The following DNAH10 variants were observed in gnomAD, a reference collection of about 807,000 sequenced individuals.
DNAH10 encodes axonemal beta dynein heavy chain 10.
DNAH10 carries 348 observed loss-of-function variants against 506.6 expected under a neutral mutation model. The observed-to-expected ratio is 0.69, with a 90% CI of 0.63 to 0.75. The LOEUF is 0.75. Among genes scored for constraint, DNAH10 ranks in the 30% least tolerant of loss-of-function variants. The pLI, the probability that DNAH10 is intolerant of heterozygous loss-of-function variation, is 0.00. For synonymous variants in DNAH10, 2,059 were observed against 2,198.6 expected, an observed-to-expected ratio of 0.94 and a Z score of 1.78; for missense variants, 5,179 against 5,787.1, an observed-to-expected ratio of 0.89 and a Z score of 3.41.
At position 123,917,762 on chromosome 12, in the gene DNAH10, C is replaced by A. The variant is rs769807480; in HGVS notation, c.11181C>A (p.Asp3727Glu). ...CCACGTCCACGGGGAACATGCTGGA[C>A]AATGTGGACCTGGTGCACACCCTGG... ...ELATSTGNML[D>E]NVDLVHTLEE... The change falls in exon 64 of 79, where the codon GAC becomes GAA. Residue 3727 changes from aspartate (D) to glutamate (E), a missense_variant. Physicochemically the swap from Asp to Glu is conservative, Grantham distance 45. This residue lies in a region of DNAH10 where 4,844 missense variants were observed against 5,430.5 expected (regional missense o/e 0.89). Transcript: ENST00000673944. This position sits in a 1 kb window ranked among gnomAD's most constrained non-coding sequence, Gnocchi z 5.6. The A allele has an allele frequency of 6.3e-7, 1 of 1,576,644 alleles. No individual in the cohort carries two copies. Among genetic ancestry groups the A allele is most frequent in the Non-Finnish European group, 8.6e-7 (1 of 1,161,508 alleles).
chr12:123,877,996 G>A, intron 48 of DNAH10, 88 bp downstream of exon 48: 1 of 1,452,844 alleles, frequency 6.9e-7, no homozygotes, highest in Non-Finnish European at 9.3e-7. Context: ...CAGTGGATTT[G>A]ATGAATCGTT....
chr12:123,930,336 C>T (rs1026185618), intron 72 of DNAH10, 66 bp from the exon 73 acceptor site: 225 of 1,410,668 alleles, frequency 1.6e-4, no homozygotes, highest in African/African-American at 1.3e-3. Context: ...CCTCTGGCCC[C>T]GGGCCCCCAG....
In DNAH10 at chr12:123,928,725, C is replaced by A; in HGVS notation, c.12306+138C>A. 1 of 970,706 alleles carries A rather than the reference C, an allele frequency of 1.0e-6. No individual in the cohort carries two copies. Among genetic ancestry groups the A allele is most frequent in the Non-Finnish European group, 1.5e-6 (1 of 672,054 alleles). The allele number at this position is 970,706 out of a possible 1,614,324, so 60.1% of individuals were successfully genotyped here. The stretch of plus-strand genomic sequence containing the variant: ...CAGGTGAAACCTTGCGGTTGAAACC[C>A]TTCTCAATCCCACCTCTCTCTTTAG... On this transcript the variant is annotated intron_variant, in intron 70 of 78. Coordinates refer to ENST00000673944, the MANE Select transcript of DNAH10 (RefSeq NM_001372106.1). The surrounding 1 kb of genome is among the most constrained non-coding windows in gnomAD (Gnocchi z 4.9).
intron 51 of DNAH10, among the ~76,000 whole-genome samples, chr12:123,884,626 C>T (rs1594284313): frequency 1.3e-5 from 2 of 152,308 alleles, no homozygotes; most frequent in East Asian, 3.9e-4. Flanking sequence ...ACCCTCATCA[C>T]CTAATCACCT....
At chr12:123,808,657 C>A in intron 18 of DNAH10, 140 bp from the exon 19 acceptor site, 1 of 794,182 alleles carries the variant, frequency 1.3e-6, no homozygotes, top group Non-Finnish European at 2.0e-6. Flanking sequence ...TAAGACTCAC[C>A]CCAGCCTGTC....
intron 2 of DNAH10, among the ~76,000 whole-genome samples, chr12:123,771,281 T>C (rs1225889350): frequency 2.0e-5 from 3 of 152,204 alleles, no homozygotes; most frequent in African/African-American, 4.8e-5. Flanking sequence ...GTAATTCTTG[T>C]CTTTATGATA....
rs758179532 is a variant in DNAH10 at position 123,762,596 on chromosome 12, C to A, written c.214+46C>A. 2 of 1,510,318 alleles carry A rather than the reference C, an allele frequency of 1.3e-6. No individual in the cohort carries two copies. The highest frequency in any genetic ancestry group is 1.8e-6 in the Non-Finnish European group (2 of 1,128,572). The allele number at this position is 1,510,318 out of a possible 1,614,324, so 93.6% of individuals were successfully genotyped here. Reference sequence around the variant, plus strand: ...CCCTTCCCCGGGCTTCCCTCCTGCCCGTCCCGGCCTCTCCGGCGGGCGCCG... The same window carrying A: ...CCCTTCCCCGGGCTTCCCTCCTGCCAGTCCCGGCCTCTCCGGCGGGCGCCG... On this transcript the variant is annotated intron_variant, in intron 1 of 78. Transcript: ENST00000673944. This position sits in a 1 kb window ranked among gnomAD's most constrained non-coding sequence, Gnocchi z 5.0.
chr12:123,924,501 G>A (rs1294017196), intron 67 of DNAH10, 69 bp downstream of exon 67: 11 of 1,568,906 alleles, frequency 7.0e-6, no homozygotes, highest in South Asian at 3.5e-5. Context: ...CTCAACTGTG[G>A]CCCAACCCCT....
At chr12:123,819,877 G>A (rs996038896) in intron 23 of DNAH10, among the ~76,000 whole-genome samples, 4 of 151,572 alleles carry the variant, frequency 2.6e-5, no homozygotes, top group Non-Finnish European at 4.4e-5. Context: ...GCTAATTTTT[G>A]TATTTTTAGT....
intron 19 of DNAH10, among the ~76,000 whole-genome samples, 159 bp from the exon 20 acceptor site, chr12:123,813,005 G>A (rs1039305613): frequency 1.3e-5 from 2 of 152,072 alleles, no homozygotes; most frequent in Non-Finnish European, 2.9e-5. Context: ...CTTGATGAGA[G>A]GAACAAAGGA....
At chr12:123,800,096 C>A (rs753671414) in intron 14 of DNAH10, 120 bp from the exon 15 acceptor site, 8 of 879,434 alleles carry the variant, frequency 9.1e-6, no homozygotes, top group Non-Finnish European at 1.3e-5. Flanking sequence ...CCAGCCAGCA[C>A]CCCCGTCTGG....
In DNAH10 at chr12:123,780,418, G is replaced by A. The variant is rs1365256148; in HGVS notation, c.622-662G>A. ...TGACCTCAAGTGATCCACCAGCCTC[G>A]GCCTCCCAAAGTGCTGGGATTACAG... On this transcript the variant is annotated intron_variant, in intron 5 of 78. Coordinates refer to ENST00000673944, the MANE Select transcript of DNAH10 (RefSeq NM_001372106.1). 4.6e-5 allele frequency among the ~76,000 whole-genome samples: 7 copies of A among 151,024 alleles called. No homozygotes were observed. The East Asian group carries it at 1.0e-3, about 22-fold the overall frequency.
chr12:123,852,107 C>T (rs934595262), intron 35 of DNAH10, among the ~76,000 whole-genome samples: 1 of 152,158 alleles, frequency 6.6e-6, no homozygotes, highest in Non-Finnish European at 1.5e-5. Context: ...TCCCCTCAAC[C>T]CTAACTCCTG....
intron 27 of DNAH10, 116 bp from the exon 28 acceptor site, chr12:123,835,290 A>G: frequency 1.7e-6 from 2 of 1,192,832 alleles, no homozygotes; most frequent in Non-Finnish European, 2.3e-6. Flanking sequence ...CCTTGCCTGG[A>G]AGGTCCTCCC....
Position 123,853,502 on chromosome 12 carries a change from C to A in DNAH10, c.6438+150C>A. On this transcript the variant is annotated intron_variant, in intron 36 of 78. Transcript: ENST00000673944. This position sits in a 1 kb window ranked among gnomAD's most constrained non-coding sequence, Gnocchi z 4.7. The stretch of plus-strand genomic sequence containing the variant: ...ACCCCGCGGTCTGGCCTTACTTTGG[C>A]CTCTTACCTGTTGTATCGTTTGCTT... The A allele has an allele frequency of 1.9e-6, 2 of 1,041,252 alleles. No homozygotes were observed. Among genetic ancestry groups the A allele is most frequent in the Non-Finnish European group, 2.6e-6 (2 of 755,268 alleles). The allele number at this position is 1,041,252 out of a possible 1,614,324, so 64.5% of individuals were successfully genotyped here. A position where few individuals can be genotyped will look rare whatever the true frequency, so the allele number is the denominator to read the frequency against.
At chr12:123,790,737 T>C (rs1315743244) in intron 11 of DNAH10, among the ~76,000 whole-genome samples, 1 of 152,068 alleles carries the variant, frequency 6.6e-6, no homozygotes, top group Non-Finnish European at 1.5e-5. Flanking sequence ...GGGTAAATAA[T>C]TGGTGATGAA....
chr12:123,848,226 A>C (rs905044848), intron 33 of DNAH10, 131 bp downstream of exon 33: 17 of 1,343,716 alleles, frequency 1.3e-5, no homozygotes, highest in African/African-American at 1.5e-5. Flanking sequence ...CCACCACCAC[A>C]GCCCCAGAAC....
At chr12:123,855,647 A>AAT (rs1370435377) in intron 36 of DNAH10, among the ~76,000 whole-genome samples, 266 of 149,594 alleles carry the variant, frequency 1.8e-3, no homozygotes, top group South Asian at 1.9e-3. Context: ...AAAAAAAAAA[A>AAT]AATAATAATA....
intron 12 of DNAH10, among the ~76,000 whole-genome samples, chr12:123,794,845 T>TAA (rs769453879): frequency 1.9e-5 from 2 of 107,678 alleles, no homozygotes; most frequent in Non-Finnish European, 1.9e-5. Flanking sequence ...AAACCCTGTC[T>TAA]AAAAAAAAAA....
Sources: gnomAD v4.1 joint callset for allele counts (sites outside exome capture counted in the v4.1 genomes callset) on GRCh38, gnomAD v4.1.1 for gene constraint, gnomAD v4.1.1 regional missense constraint, Gnocchi (gnomAD v3.1) non-coding constraint, MANE v1.5 for transcripts, NCBI Gene and HGNC (gene_info 2026-07-23, HGNC 2026-07-21) for gene names.